Variants in SMAD5 observed in about 807,000 individuals in gnomAD.
SMAD5 encodes the protein MAD, mothers against decapentaplegic homolog 5.
Under a neutral mutation model 43.1 loss-of-function variants are expected in SMAD5, and 9 were observed. The observed-to-expected ratio is 0.21, with a 90% CI of 0.13 to 0.36. SMAD5 has a LOEUF of 0.36. Among genes scored for constraint, SMAD5 ranks in the 10% least tolerant of loss-of-function variants. SMAD5 has a pLI of 1.00. For synonymous variants in SMAD5, 190 were observed against 192.4 expected (o/e 0.99, Z 0.10); for missense variants, 348 against 574.0 (o/e 0.61, Z 4.02).
chr5:136,175,777 T>A (rs1754395921), intron 7 of SMAD5, among the ~76,000 whole-genome samples: 1 of 152,200 alleles, frequency 6.6e-6, no homozygotes, highest in African/African-American at 2.4e-5. Context: ...TACATCAGTT[T>A]ACTGGTTACC....
chr5:136,161,710 T>TGGCATGTCATATATGGACATGTC (rs749620131), intron 4 of SMAD5, among the ~76,000 whole-genome samples: 37 of 152,344 alleles, frequency 2.4e-4, no homozygotes, highest in Non-Finnish European at 4.7e-4. Context: ...ATTTTGTTAA[T>TGGCATGTCATATATGGACATGTC]GGCATGTCAT....
rs535326335 is a variant in SMAD5, at chr5:136,169,706, T to C, written c.776-2728T>C. Among the ~76,000 whole-genome samples, 114 of 152,340 alleles carry C rather than the reference T, an allele frequency of 7.5e-4. 1 individual carries two copies. Among genetic ancestry groups the C allele is most frequent in the African/African-American group, 2.6e-3 (108 of 41,582 alleles). ...TGTAAGAAACGGCCAAAGTGCCTTC[T>C]AAAATGGCTGTATCATTTTGCATTC... On this transcript the variant is annotated intron_variant, in intron 5 of 7. Transcript: ENST00000545279.
chr5:136,145,688 C>T (rs1009740807), intron 1 of SMAD5, among the ~76,000 whole-genome samples: 3 of 151,794 alleles, frequency 2.0e-5, no homozygotes, highest in African/African-American at 7.3e-5. Context: ...CTACAGTTGC[C>T]CTTTATTGAG....
intron 1 of SMAD5, among the ~76,000 whole-genome samples, chr5:136,139,568 T>C (rs182795176): frequency 2.6e-4 from 39 of 152,316 alleles, no homozygotes; most frequent in Admixed American, 1.8e-3. Context: ...ACCCCACTGC[T>C]ATCACCCTGG....
intron 1 of SMAD5, chr5:136,134,644 G>T (rs1409632537): frequency 1.3e-5 from 2 of 152,164 alleles, no homozygotes; most frequent in Non-Finnish European, 2.9e-5. Flanking sequence ...AGTGAAAATT[G>T]TAAAAATGCA....
At chr5:136,152,373 A>G (rs1472009399) in intron 2 of SMAD5, among the ~76,000 whole-genome samples, 1 of 152,142 alleles carries the variant, frequency 6.6e-6, no homozygotes, top group African/African-American at 2.4e-5. Context: ...AGTGTATGTC[A>G]GTTTTACTTT....
chr5:136,158,833 A>G (rs1753730412), intron 3 of SMAD5, among the ~76,000 whole-genome samples: 1 of 151,978 alleles, frequency 6.6e-6, no homozygotes, highest in Admixed American at 6.6e-5. Context: ...CGGGAGGTGG[A>G]GCTTGCAGTG....
intron 5 of SMAD5, among the ~76,000 whole-genome samples, chr5:136,171,006 G>A (rs1580798138): frequency 6.6e-6 from 1 of 152,096 alleles, no homozygotes; most frequent in Non-Finnish European, 1.5e-5. Context: ...CATGTAATTT[G>A]CAAACAAAGA....
At chr5:136,167,315 T>C (rs1486293420) in intron 5 of SMAD5, among the ~76,000 whole-genome samples, 1 of 152,158 alleles carries the variant, frequency 6.6e-6, no homozygotes, top group East Asian at 1.9e-4. Context: ...AAATCTGAGC[T>C]CTTAAGACTT....
intron 6 of SMAD5, among the ~76,000 whole-genome samples, chr5:136,174,046 G>T (rs1754317224): frequency 6.6e-6 from 1 of 151,108 alleles, no homozygotes; most frequent in Admixed American, 6.6e-5. Flanking sequence ...TATTTGAAAG[G>T]ACTCATCAAA....
intron 3 of SMAD5, among the ~76,000 whole-genome samples, chr5:136,158,355 T>C (rs1258325194): frequency 1.3e-5 from 2 of 152,174 alleles, no homozygotes; most frequent in African/African-American, 4.8e-5. Context: ...TCAATGCAGT[T>C]CTGGATTCTA....
intron 3 of SMAD5, among the ~76,000 whole-genome samples, chr5:136,160,494 T>G (rs577181385): frequency 4.6e-5 from 7 of 152,174 alleles, no homozygotes; most frequent in Non-Finnish European, 7.3e-5. Context: ...TGTTTTTTTC[T>G]TACAGTATTT....
intron 3 of SMAD5, among the ~76,000 whole-genome samples, chr5:136,159,840 C>G (rs1001092135): frequency 1.3e-5 from 2 of 152,200 alleles, no homozygotes; most frequent in Non-Finnish European, 1.5e-5. Context: ...TTGTTGTGTA[C>G]ATCCCTACTT....
At chr5:136,137,049 C>T (rs1417025199) in intron 1 of SMAD5, among the ~76,000 whole-genome samples, 20 of 136,884 alleles carry the variant, frequency 1.5e-4, no homozygotes, top group Non-Finnish European at 3.1e-5. Flanking sequence ...CCTTGGGCAG[C>T]TAGGGGGGAT....
intron 1 of SMAD5, chr5:136,147,291 G>A (rs1365309171): frequency 6.6e-6 from 1 of 151,750 alleles, no homozygotes; most frequent in Non-Finnish European, 1.5e-5. Flanking sequence ...AATGTGAGAA[G>A]GTTGGGTTAA....
At chr5:136,157,765 C>T (rs967959472) in intron 3 of SMAD5, among the ~76,000 whole-genome samples, 1 of 152,084 alleles carries the variant, frequency 6.6e-6, no homozygotes, top group African/African-American at 2.4e-5. Context: ...GCTTCGCTCA[C>T]TCTCTCTCAC....
intron 5 of SMAD5, among the ~76,000 whole-genome samples, chr5:136,167,554 GATC>G (rs1754064761): frequency 6.6e-6 from 1 of 152,122 alleles, no homozygotes; most frequent in East Asian, 1.9e-4. Context: ...GAGGCAGGCA[GATC>G]ATCTGAGGCT....
chr5:136,174,826 C>T (rs1012665537), intron 7 of SMAD5, among the ~76,000 whole-genome samples, 194 bp downstream of exon 7: 8 of 152,014 alleles, frequency 5.3e-5, no homozygotes, highest in Admixed American at 5.2e-4. Flanking sequence ...GTAATCTAGA[C>T]ATTATAAAAT....
At chr5:136,140,020 A>T (rs1580760892) in intron 1 of SMAD5, among the ~76,000 whole-genome samples, 3 of 141,962 alleles carry the variant, frequency 2.1e-5, no homozygotes, top group Non-Finnish European at 4.6e-5. Context: ...GCCCAGGATA[A>T]CTCTTTTTTT....
Sources: gnomAD v4.1 joint callset for allele counts (sites outside exome capture counted in the v4.1 genomes callset) on GRCh38, gnomAD v4.1.1 for gene constraint, MANE v1.5 for transcripts, NCBI Gene and HGNC (gene_info 2026-07-23, HGNC 2026-07-21) for gene names.